The following RABL6 variants were observed in gnomAD, a reference collection of about 807,000 sequenced individuals.
RABL6 encodes the protein RAB, member RAS oncogene family like 6.
Under a neutral mutation model 72.9 loss-of-function variants are expected in RABL6, and 28 were observed. The observed-to-expected ratio is 0.38, with a 90% CI of 0.28 to 0.53. The LOEUF (loss-of-function observed/expected upper bound fraction) is 0.53. Among genes scored for constraint, RABL6 ranks in the 20% least tolerant of loss-of-function variants. The probability of loss-of-function intolerance (pLI) is 0.80; values close to 1 mark genes in which losing one functional copy is unlikely to be tolerated. For synonymous variants in RABL6, 477 were observed against 421.2 expected (o/e 1.13, Z -1.62); for missense variants, 1,029 against 1,008.4 (o/e 1.02, Z -0.28).
chr9:136,829,285 C>A, intron 4 of RABL6, 108 bp from the exon 5 acceptor site: 1 of 832,894 alleles, frequency 1.2e-6, no homozygotes. Flanking sequence ...ATGGAAATGG[C>A]TGTTATCTTT....
intron 7 of RABL6, chr9:136,835,469 G>A (rs964743959): frequency 2.5e-6 from 1 of 399,994 alleles, no homozygotes; most frequent in Middle Eastern, 6.6e-4. Context: ...GGGGGTGCTT[G>A]CTGTTGAGGT....
chr9:136,831,891 C>T (rs754508678), intron 6 of RABL6, 30 bp downstream of exon 6: 1 of 1,589,074 alleles, frequency 6.3e-7, no homozygotes, highest in Non-Finnish European at 8.6e-7. Flanking sequence ...TCCCGAGGGA[C>T]CCTGCCCGGT....
intron 7 of RABL6, 132 bp downstream of exon 7, chr9:136,832,502 A>G (rs1409584725): frequency 8.6e-6 from 7 of 812,574 alleles, no homozygotes; most frequent in Non-Finnish European, 1.5e-5. Flanking sequence ...GGCTGCTGGC[A>G]AGGGCCCAGC....
Position 136,832,686 on chromosome 9 carries a change from C to T in RABL6, c.705+316C>T, listed in dbSNP as rs182930390. ...TTGCTGTGTGGCCCAGGCTGGAGTG[C>T]AGTGGCGCAATCATGGCTCACTGCG... On this transcript the variant is annotated intron_variant, in intron 7 of 14. Coordinates refer to ENST00000311502, the MANE Select transcript of RABL6 (RefSeq NM_024718.5). The T allele has an allele frequency of 7.1e-5, 28 of 395,910 alleles. No homozygotes were observed. In the East Asian group the frequency reaches 1.4e-3, roughly 19 times the overall value. 24.5% of individuals were successfully genotyped at this position (395,910 alleles called of 1,614,324 possible).
intron 1 of RABL6, among the ~76,000 whole-genome samples, chr9:136,816,671 C>T (rs1456070846): frequency 6.8e-6 from 1 of 146,694 alleles, no homozygotes; most frequent in Non-Finnish European, 1.5e-5. Flanking sequence ...GGGTCGAGAT[C>T]GCGCCACTGC....
chr9:136,814,075 C>G (rs1848068348), intron 1 of RABL6: 1 of 367,178 alleles, frequency 2.7e-6, no homozygotes. Flanking sequence ...TTCCAAGGCT[C>G]TTTCCAGGTC....
intron 1 of RABL6, chr9:136,821,786 C>T (rs1436465568): frequency 8.5e-7 from 1 of 1,171,984 alleles, no homozygotes; most frequent in Non-Finnish European, 1.1e-6. Context: ...CTCTGTTCTC[C>T]AAGTTCTCCG....
chr9:136,823,716 C>T, intron 2 of RABL6, 57 bp downstream of exon 2: 1 of 1,521,152 alleles, frequency 6.6e-7, no homozygotes, highest in Non-Finnish European at 8.9e-7. Flanking sequence ...TCCCTCAGCC[C>T]TGGTTCCTGG....
chr9:136,833,608 G>C (rs1290808055), intron 7 of RABL6: 2 of 1,455,538 alleles, frequency 1.4e-6, no homozygotes, highest in Admixed American at 2.1e-5. Context: ...CTCGCCCTGG[G>C]CTGCCCCAGC....
At chr9:136,837,158 A>G in intron 8 of RABL6, 188 bp from the exon 9 acceptor site, 3 of 740,880 alleles carry the variant, frequency 4.0e-6, no homozygotes, top group Non-Finnish European at 7.3e-6. Flanking sequence ...TACAGGCATG[A>G]GCCACCGTGC....
chr9:136,808,441 G>T (rs1847918242), intron 1 of RABL6, 115 bp downstream of exon 1: 7 of 1,149,842 alleles, frequency 6.1e-6, no homozygotes, highest in Non-Finnish European at 2.2e-6. Flanking sequence ...TGTGGGGTGC[G>T]CTGGGCCCGC....
At chr9:136,810,019 AAAT>A (rs1179521737) in intron 1 of RABL6, 1 of 152,280 alleles carries the variant, frequency 6.6e-6, no homozygotes, top group African/African-American at 2.4e-5. Flanking sequence ...TTTTGAATAA[AAAT>A]AAAAGCTGAT....
At chr9:136,836,827 G>A (rs1384534008) in intron 8 of RABL6, 1 of 270,586 alleles carries the variant, frequency 3.7e-6, no homozygotes, top group African/African-American at 2.3e-5. Context: ...TTTCAGGGGA[G>A]CTGGACACAT....
At chr9:136,823,218 G>A (rs1428124694) in intron 1 of RABL6, among the ~76,000 whole-genome samples, 2 of 151,756 alleles carry the variant, frequency 1.3e-5, no homozygotes, top group South Asian at 2.1e-4. Context: ...GGTCCCAGGG[G>A]TGGGCTCTAG....
chr9:136,809,249 G>A (rs1223714348), intron 1 of RABL6: 2 of 161,772 alleles, frequency 1.2e-5, no homozygotes, highest in African/African-American at 4.8e-5. Flanking sequence ...AAAGACTCTT[G>A]TGCAGGTTTA....
chr9:136,827,393 C>G (rs1398262409), intron 3 of RABL6: 1 of 152,254 alleles, frequency 6.6e-6, no homozygotes, highest in Non-Finnish European at 1.5e-5. Flanking sequence ...AAGAGGGAGG[C>G]TGAATGGAGC....
intron 7 of RABL6, chr9:136,832,740 T>TC: frequency 2.8e-6 from 1 of 351,484 alleles, no homozygotes; most frequent in South Asian, 2.3e-5. Context: ...CAGGCAATCC[T>TC]CCCACCTGTC....
At chr9:136,827,979 C>T (rs955566177) in intron 3 of RABL6, 8 of 157,022 alleles carry the variant, frequency 5.1e-5, no homozygotes, top group African/African-American at 1.2e-4. Flanking sequence ...CACACAGCTG[C>T]CCTCCTCCCT....
At chr9:136,824,111 G>A (rs969009621) in intron 2 of RABL6, among the ~76,000 whole-genome samples, 2 of 152,110 alleles carry the variant, frequency 1.3e-5, no homozygotes, top group African/African-American at 2.4e-5. Flanking sequence ...AGTGAGGTGG[G>A]CTTGATGGTG....
Sources: gnomAD v4.1 joint callset for allele counts (sites outside exome capture counted in the v4.1 genomes callset) on GRCh38, gnomAD v4.1.1 for gene constraint, MANE v1.5 for transcripts, NCBI Gene and HGNC (gene_info 2026-07-23, HGNC 2026-07-21) for gene names.